The following SCML4 variants were observed in gnomAD, a reference collection of about 807,000 sequenced individuals.
SCML4 encodes the protein Scm polycomb group protein like 4.
Under a neutral mutation model 41.1 loss-of-function variants are expected in SCML4, and 34 were observed. That is an observed-to-expected ratio of 0.83 (90% CI 0.63 to 1.10). The LOEUF (loss-of-function observed/expected upper bound fraction) is 1.10. Ranked by LOEUF, SCML4 falls within the 50% of genes least tolerant of loss-of-function variation. The pLI, the probability that SCML4 is intolerant of heterozygous loss-of-function variation, is 0.00. For missense variants in SCML4, 522 were observed against 534.1 expected, an observed-to-expected ratio of 0.98 and a Z score of 0.22; for synonymous variants, 214 against 220.9, an observed-to-expected ratio of 0.97 and a Z score of 0.28.
chr6:107,769,527 C>A (rs905943921), intron 2 of SCML4, among the ~76,000 whole-genome samples: 34 of 152,182 alleles, frequency 2.2e-4, no homozygotes, highest in African/African-American at 7.0e-4. Flanking sequence ...AAATGTCAAC[C>A]AGCATAGACT....
the SCML4 span, among the ~76,000 whole-genome samples, chr6:107,836,007 G>A: frequency 2.6e-5 from 4 of 151,966 alleles, no homozygotes; most frequent in Admixed American, 1.3e-4. Flanking sequence ...GTTGTATTTC[G>A]ATGTCTCCTC....
At chr6:107,763,654 C>T (rs771415399) in intron 2 of SCML4, among the ~76,000 whole-genome samples, 3 of 152,062 alleles carry the variant, frequency 2.0e-5, no homozygotes, top group Non-Finnish European at 4.4e-5. Context: ...CCCAAAATGC[C>T]GGGGCTACAG....
chr6:107,836,267 T>C, the SCML4 span, among the ~76,000 whole-genome samples: 2 of 152,082 alleles, frequency 1.3e-5, no homozygotes, highest in South Asian at 2.1e-4. Flanking sequence ...AATACTTAAA[T>C]AGGGGAAGCA....
chr6:107,799,669 T>C (rs2114630047), intron 1 of SCML4, among the ~76,000 whole-genome samples: 1 of 152,258 alleles, frequency 6.6e-6, no homozygotes, highest in Admixed American at 6.5e-5. Flanking sequence ...TTTTATAATT[T>C]CTTTTCATCT....
At chr6:107,845,385 C>T in the SCML4 span, among the ~76,000 whole-genome samples, 4 of 152,214 alleles carry the variant, frequency 2.6e-5, no homozygotes, top group Non-Finnish European at 4.4e-5. Context: ...AGCCTAGAGA[C>T]GCTCCGGGGC....
chr6:107,781,769 C>T (rs1380184200), intron 1 of SCML4, among the ~76,000 whole-genome samples: 1 of 151,888 alleles, frequency 6.6e-6, no homozygotes, highest in African/African-American at 2.4e-5. Flanking sequence ...AAGGTGCAAA[C>T]TTGTTTCTTC....
At chr6:107,777,961 T>C (rs1781088866) in intron 1 of SCML4, among the ~76,000 whole-genome samples, 1 of 151,790 alleles carries the variant, frequency 6.6e-6, no homozygotes, top group Non-Finnish European at 1.5e-5. Context: ...ACACCTGTCA[T>C]CCCAGCACTT....
intron 2 of SCML4, among the ~76,000 whole-genome samples, chr6:107,767,957 G>C (rs944041325): frequency 1.1e-4 from 16 of 151,972 alleles, no homozygotes; most frequent in African/African-American, 3.1e-4. Flanking sequence ...GGTAGAAACT[G>C]TGTGTTAACA....
chr6:107,744,808 CCAGGCACCCAGA>C (rs1423145347), intron 5 of SCML4, 129 bp downstream of exon 5: 1 of 673,276 alleles, frequency 1.5e-6, no homozygotes, highest in South Asian at 2.4e-5. Flanking sequence ...CAAATATTTC[CCAGGCACCCAGA>C]CAGGCAGCCC....
chr6:107,830,007 A>G, the SCML4 span, among the ~76,000 whole-genome samples: 1 of 152,124 alleles, frequency 6.6e-6, no homozygotes, highest in South Asian at 2.1e-4. Flanking sequence ...CACATCCTCC[A>G]TGATGGGCTT....
chr6:107,771,538 C>A (rs1157056293), intron 2 of SCML4, among the ~76,000 whole-genome samples: 2 of 152,174 alleles, frequency 1.3e-5, no homozygotes, highest in Non-Finnish European at 2.9e-5. Context: ...TCCACCCCAG[C>A]CTCTCCAAAT....
At position 107,817,636 on chromosome 6, in the gene SCML4, GA is replaced by G. The variant is rs59655748; in HGVS notation, c.-60+6489del. Among the ~76,000 whole-genome samples, 67 of 76,798 alleles carry G rather than the reference GA, an allele frequency of 8.7e-4. 1 individual carries two copies. Among genetic ancestry groups the G allele is most frequent in the African/African-American group, 5.1e-3 (67 of 13,082 alleles). 50.4% of individuals were successfully genotyped at this position (76,798 alleles called of 152,430 possible). On this transcript the variant is annotated intron_variant, in intron 1 of 7. Coordinates refer to ENST00000369020, the MANE Select transcript of SCML4 (RefSeq NM_198081.5). ...ACTTCATCTCAAAAAAAAAAAAAAA[GA>G]AAAAAAAAAATCACTGAATGTACTT... is the stretch of plus-strand genomic sequence containing the variant.
Position 107,803,443 on chromosome 6 carries a change from G to A in SCML4, c.-60+20683C>T, listed in dbSNP as rs544105449. On this transcript the variant is annotated intron_variant, in intron 1 of 7. Coordinates refer to ENST00000369020, the MANE Select transcript of SCML4 (RefSeq NM_198081.5). The stretch of plus-strand genomic sequence containing the variant: ...AGGGAGGTGGGGGGGTCAGCCCCCC[G>A]CCCGGCCAGCCGCCCGGTCCGGGAG... Among the ~76,000 whole-genome samples the A allele has an allele frequency of 6.8e-3, 1,006 of 147,842 alleles. 4 individuals are homozygous for A. Among genetic ancestry groups the A allele is most frequent in the Middle Eastern group, 0.011 (3 of 272 alleles).
At chr6:107,746,920 C>T in intron 3 of SCML4, 31 bp from the exon 4 acceptor site, 1 of 1,581,144 alleles carries the variant, frequency 6.3e-7, no homozygotes, top group South Asian at 1.1e-5. Context: ...AAGCCCTCGG[C>T]ATCAGGCGCG....
At chr6:107,808,229 C>T (rs1783887366) in intron 1 of SCML4, among the ~76,000 whole-genome samples, 1 of 152,138 alleles carries the variant, frequency 6.6e-6, no homozygotes, top group East Asian at 1.9e-4. Context: ...ACTATGACAA[C>T]TTGTTCTTGG....
chr6:107,725,464 G>T (rs1318422585), intron 5 of SCML4, among the ~76,000 whole-genome samples: 2 of 152,158 alleles, frequency 1.3e-5, no homozygotes, highest in African/African-American at 4.8e-5. Flanking sequence ...GTAAATCCAT[G>T]TGTATATGTT....
At chr6:107,714,667 C>T (rs1038438318) in intron 6 of SCML4, among the ~76,000 whole-genome samples, 1 of 152,206 alleles carries the variant, frequency 6.6e-6, no homozygotes, top group Non-Finnish European at 1.5e-5. Context: ...CTGGCTAGGA[C>T]CAACCAAAAC....
At chr6:107,714,813 A>G (rs963852211) in intron 6 of SCML4, among the ~76,000 whole-genome samples, 2 of 151,876 alleles carry the variant, frequency 1.3e-5, no homozygotes, top group Non-Finnish European at 2.9e-5. Context: ...ATGTCATTCC[A>G]TAAATGGCCA....
At chr6:107,786,340 G>A (rs1464646316) in intron 1 of SCML4, among the ~76,000 whole-genome samples, 1 of 152,124 alleles carries the variant, frequency 6.6e-6, no homozygotes, top group East Asian at 1.9e-4. Flanking sequence ...AAATGTGAGT[G>A]GTTTCCCCTG....
Sources: gnomAD v4.1 joint callset for allele counts (sites outside exome capture counted in the v4.1 genomes callset) on GRCh38, gnomAD v4.1.1 for gene constraint, MANE v1.5 for transcripts, NCBI Gene and HGNC (gene_info 2026-07-23, HGNC 2026-07-21) for gene names.